SIK3: variants seen among roughly 807,000 people sequenced by gnomAD.
The protein encoded by SIK3 is SIK family kinase 3.
A neutral mutation model predicts 144.2 loss-of-function variants in SIK3; 28 were observed. The ratio of observed to expected loss-of-function variants is 0.19; its 90% CI spans 0.14 to 0.27. The LOEUF (loss-of-function observed/expected upper bound fraction) is 0.27. SIK3 is among the 10% of genes least tolerant of loss of function. The probability of loss-of-function intolerance (pLI) is 1.00; values close to 1 mark genes in which losing one functional copy is unlikely to be tolerated. For missense variants in SIK3, 1,319 were observed against 1,776.0 expected (o/e 0.74, Z 4.62); for synonymous variants, 686 against 676.3 (o/e 1.01, Z -0.22).
At chr11:117,079,300 T>C (rs1954683784) in intron 1 of SIK3, among the ~76,000 whole-genome samples, 2 of 152,192 alleles carry the variant, frequency 1.3e-5, no homozygotes, top group Admixed American at 1.3e-4. Flanking sequence ...TACCTAAGTA[T>C]CTATTGGAGT....
At chr11:116,949,021 C>T (rs1412170773) in intron 3 of SIK3, among the ~76,000 whole-genome samples, 1 of 149,882 alleles carries the variant, frequency 6.7e-6, no homozygotes, top group Non-Finnish European at 1.5e-5. Flanking sequence ...TGAAACAAGA[C>T]ATCAAAAGTG....
chr11:117,021,965 A>G (rs1951796218), intron 1 of SIK3, among the ~76,000 whole-genome samples: 1 of 146,614 alleles, frequency 6.8e-6, no homozygotes, highest in Non-Finnish European at 1.5e-5. Context: ...AAAAAAACCT[A>G]AAAATAACAA....
chr11:116,910,455 G>C (rs1946281397), intron 4 of SIK3, among the ~76,000 whole-genome samples: 1 of 151,504 alleles, frequency 6.6e-6, no homozygotes, highest in Non-Finnish European at 1.5e-5. Flanking sequence ...TAATCTTTAA[G>C]TTATTCAAAT....
intron 1 of SIK3, among the ~76,000 whole-genome samples, chr11:117,008,279 A>G (rs1017364903): frequency 1.3e-5 from 2 of 152,148 alleles, no homozygotes; most frequent in Admixed American, 6.6e-5. Context: ...ATCTGATTTA[A>G]TCCCCACAAG....
intron 22 of SIK3, among the ~76,000 whole-genome samples, chr11:116,848,566 G>A (rs533593457): frequency 6.6e-6 from 1 of 152,254 alleles, no homozygotes; most frequent in Admixed American, 6.5e-5. Flanking sequence ...AAGCCTATGG[G>A]CTCATTTGCT....
chr11:117,042,828 T>C (rs1046540261), intron 1 of SIK3, among the ~76,000 whole-genome samples: 2 of 152,212 alleles, frequency 1.3e-5, no homozygotes, highest in Non-Finnish European at 2.9e-5. Flanking sequence ...ACTAAACCAA[T>C]TAAGATAAAT....
intron 3 of SIK3, among the ~76,000 whole-genome samples, chr11:116,934,808 G>A (rs947015170): frequency 1.3e-4 from 19 of 151,982 alleles, no homozygotes; most frequent in Non-Finnish European, 7.4e-5. Context: ...GGCCGGGCGC[G>A]GTGGCTCACC....
rs1941731883 is a variant in SIK3, at chr11:116,844,090, T to C, written c.*1553A>G. 1 of 152,192 alleles carries C rather than the reference T, an allele frequency of 6.6e-6. No homozygotes were observed. Among genetic ancestry groups the C allele is most frequent in the African/African-American group, 2.4e-5 (1 of 41,440 alleles). The allele number at this position is 152,192 out of a possible 1,614,324, so 9.4% of individuals were successfully genotyped here. ...AAAAAAGGGTGGAAGAGTCAGTGTA[T>C]TCAAGGTCTCTCTCTTGTTTTGAAG... On this transcript the variant is annotated 3_prime_UTR_variant, in exon 25 of 25. Coordinates refer to ENST00000445177, the MANE Select transcript of SIK3 (RefSeq NM_001366686.3).
intron 1 of SIK3, among the ~76,000 whole-genome samples, chr11:116,962,057 G>GA (rs1170826047): frequency 6.6e-6 from 1 of 152,026 alleles, no homozygotes; most frequent in African/African-American, 2.4e-5. Flanking sequence ...GAATGAAGCT[G>GA]AAAAAAATAG....
intron 1 of SIK3, among the ~76,000 whole-genome samples, chr11:117,043,591 T>C (rs973971142): frequency 2.0e-5 from 3 of 152,222 alleles, no homozygotes; most frequent in African/African-American, 7.2e-5. Flanking sequence ...CTGCTAAATA[T>C]ATTAACCATG....
At chr11:117,020,088 C>T (rs1303614780) in intron 1 of SIK3, among the ~76,000 whole-genome samples, 4 of 151,920 alleles carry the variant, frequency 2.6e-5, no homozygotes, top group African/African-American at 9.7e-5. Flanking sequence ...ACCTTCCAAA[C>T]CCGGGGTTTG....
At chr11:116,908,411 C>T (rs1946165001) in intron 4 of SIK3, among the ~76,000 whole-genome samples, 1 of 152,066 alleles carries the variant, frequency 6.6e-6, no homozygotes, top group South Asian at 2.1e-4. Flanking sequence ...CCTAGGAAGC[C>T]GAGACTGCTG....
At chr11:116,937,159 A>T (rs375223786) in intron 3 of SIK3, among the ~76,000 whole-genome samples, 22 of 152,340 alleles carry the variant, frequency 1.4e-4, no homozygotes, top group African/African-American at 4.3e-4. Flanking sequence ...GTTTATATCC[A>T]TGAAGCACTG....
At chr11:117,013,972 CTTTTT>C (rs71037442) in intron 1 of SIK3, among the ~76,000 whole-genome samples, 11 of 27,058 alleles carry the variant, frequency 4.1e-4, no homozygotes, top group Admixed American at 1.2e-3. Flanking sequence ...TTTTTCTTTT[CTTTTT>C]TTTTTTTTTT....
chr11:116,899,584 CATTTTA>C (rs1349616062), intron 4 of SIK3, among the ~76,000 whole-genome samples: 11 of 152,208 alleles, frequency 7.2e-5, no homozygotes, highest in African/African-American at 2.7e-4. Flanking sequence ...AGAATGCTTA[CATTTTA>C]ATTTTAACTC....
At chr11:117,094,749 T>C (rs1955395250) in intron 1 of SIK3, among the ~76,000 whole-genome samples, 1 of 151,748 alleles carries the variant, frequency 6.6e-6, no homozygotes, top group Non-Finnish European at 1.5e-5. Context: ...TTTAAAAATA[T>C]CTGTAATACT....
At chr11:116,948,930 GA>G (rs1208281114) in intron 3 of SIK3, among the ~76,000 whole-genome samples, 1 of 152,056 alleles carries the variant, frequency 6.6e-6, no homozygotes, top group Non-Finnish European at 1.5e-5. Context: ...ATAATGGAAT[GA>G]AATTGGAAAT....
chr11:117,061,311 A>T (rs1953783070), intron 1 of SIK3, among the ~76,000 whole-genome samples: 1 of 152,194 alleles, frequency 6.6e-6, no homozygotes, highest in Non-Finnish European at 1.5e-5. Context: ...TGAGTCACAC[A>T]AGAGAAGATA....
At chr11:116,900,425 G>A (rs1259598190) in intron 4 of SIK3, among the ~76,000 whole-genome samples, 1 of 151,992 alleles carries the variant, frequency 6.6e-6, no homozygotes, top group Non-Finnish European at 1.5e-5. Context: ...TTTCCCCTAA[G>A]CTATCCATTC....
Sources: gnomAD v4.1 joint callset for allele counts (sites outside exome capture counted in the v4.1 genomes callset) on GRCh38, gnomAD v4.1.1 for gene constraint, MANE v1.5 for transcripts, NCBI Gene and HGNC (gene_info 2026-07-23, HGNC 2026-07-21) for gene names.